LY96: variants seen among roughly 807,000 people sequenced by gnomAD.
The protein encoded by LY96 is lymphocyte antigen 96.
In LY96, 18 loss-of-function variants were observed where a neutral mutation model predicts 18.9. The observed-to-expected ratio is 0.95, with a 90% confidence interval of 0.66 to 1.41. The LOEUF is 1.41. Among genes scored for constraint, LY96 ranks in the 40% most tolerant of loss-of-function variants. The pLI is 0.00. For missense variants in LY96, 175 were observed against 182.4 expected, an observed-to-expected ratio of 0.96 and a Z score of 0.23; for synonymous variants, 66 against 62.6, an observed-to-expected ratio of 1.06 and a Z score of -0.26.
chr8:74,013,981 A>C (rs1816586149), intron 3 of LY96, among the ~76,000 whole-genome samples: 1 of 152,090 alleles, frequency 6.6e-6, no homozygotes. Flanking sequence ...AGGCTGAGGC[A>C]GGAAACTTGG....
chr8:74,034,127 C>T, the LY96 span, among the ~76,000 whole-genome samples: 1 of 152,162 alleles, frequency 6.6e-6, no homozygotes, highest in Non-Finnish European at 1.5e-5. Flanking sequence ...AATCCCAGCA[C>T]TTTGGGAGGC....
the LY96 span, among the ~76,000 whole-genome samples, chr8:74,085,070 A>G: frequency 1.3e-5 from 2 of 152,242 alleles, no homozygotes; most frequent in Non-Finnish European, 2.9e-5. Context: ...GAGAGAAATG[A>G]AGCTTCTTGG....
chr8:74,093,451 T>C, the LY96 span, among the ~76,000 whole-genome samples: 1 of 152,236 alleles, frequency 6.6e-6, no homozygotes, highest in Admixed American at 6.5e-5. Context: ...GGGGGAAATT[T>C]TCTGAATGTT....
chr8:74,061,295 G>A, the LY96 span, among the ~76,000 whole-genome samples: 1 of 152,204 alleles, frequency 6.6e-6, no homozygotes, highest in Admixed American at 6.5e-5. Flanking sequence ...GTTATAAGAA[G>A]AGACTTGTAG....
At chr8:74,003,335 G>C (rs1417339807) in intron 1 of LY96, among the ~76,000 whole-genome samples, 1 of 152,204 alleles carries the variant, frequency 6.6e-6, no homozygotes, top group East Asian at 1.9e-4. Context: ...CTTCTAAAAG[G>C]GGGTGGGCTA....
At chr8:74,088,324 C>G in the LY96 span, among the ~76,000 whole-genome samples, 1 of 152,182 alleles carries the variant, frequency 6.6e-6, no homozygotes, top group African/African-American at 2.4e-5. Context: ...ACCCATGGTT[C>G]TTACTCCTTT....
the LY96 span, among the ~76,000 whole-genome samples, chr8:74,096,822 G>A: frequency 2.0e-5 from 3 of 152,258 alleles, no homozygotes; most frequent in Non-Finnish European, 4.4e-5. Flanking sequence ...TGCTCCCAGG[G>A]TGATGTGAAT....
chr8:74,095,931 G>A, the LY96 span, among the ~76,000 whole-genome samples: 8 of 152,216 alleles, frequency 5.3e-5, no homozygotes, highest in Middle Eastern at 3.4e-3. Flanking sequence ...ACCTTCACGT[G>A]TCTGAAACTG....
the LY96 span, among the ~76,000 whole-genome samples, chr8:74,097,705 CAAATAAAT>C: frequency 5.3e-5 from 8 of 151,174 alleles, no homozygotes; most frequent in Admixed American, 1.3e-4. Flanking sequence ...GACTCTGTCT[CAAATAAAT>C]AAATAAATAA....
intron 2 of LY96, among the ~76,000 whole-genome samples, chr8:74,009,653 T>C (rs1816488866): frequency 6.6e-6 from 1 of 152,208 alleles, no homozygotes; most frequent in Non-Finnish European, 1.5e-5. Flanking sequence ...CCTTTCCTTT[T>C]CTTTTCTTTT....
the LY96 span, among the ~76,000 whole-genome samples, chr8:74,098,048 A>G: frequency 6.6e-6 from 1 of 152,226 alleles, no homozygotes; most frequent in African/African-American, 2.4e-5. Flanking sequence ...TGTTTGTGTC[A>G]GGTAAGCTTT....
intron 1 of LY96, among the ~76,000 whole-genome samples, chr8:73,995,975 A>C (rs180820455): frequency 2.0e-5 from 3 of 152,260 alleles, no homozygotes; most frequent in African/African-American, 4.8e-5. Context: ...AGATGCAAAA[A>C]TGGAGAAGCT....
the LY96 span, among the ~76,000 whole-genome samples, chr8:74,073,257 G>A: frequency 6.6e-6 from 1 of 152,202 alleles, no homozygotes; most frequent in Non-Finnish European, 1.5e-5. Context: ...GGAAGGGGAA[G>A]GCAGAGCAGT....
At chr8:74,007,095 C>T (rs977939177) in intron 2 of LY96, among the ~76,000 whole-genome samples, 20 of 152,226 alleles carry the variant, frequency 1.3e-4, no homozygotes, top group African/African-American at 4.8e-4. Flanking sequence ...CACTCTTGGG[C>T]TGGGCCAAAT....
chr8:74,017,990 A>G (rs1171384323), intron 3 of LY96, among the ~76,000 whole-genome samples: 1 of 152,226 alleles, frequency 6.6e-6, no homozygotes, highest in Non-Finnish European at 1.5e-5. Context: ...GAAACTGCAT[A>G]AATTAACGAG....
chr8:74,078,278 T>C, the LY96 span, among the ~76,000 whole-genome samples: 2 of 152,044 alleles, frequency 1.3e-5, no homozygotes, highest in African/African-American at 4.8e-5. Context: ...TAGCTTTCAG[T>C]GGAGTGTGAG....
the LY96 span, among the ~76,000 whole-genome samples, chr8:74,071,728 C>G: frequency 6.6e-6 from 1 of 152,170 alleles, no homozygotes; most frequent in Admixed American, 6.5e-5. Context: ...TGTCTAAGAA[C>G]TATATTGCTC....
chr8:74,001,027 C>T (rs1816251911), intron 1 of LY96, among the ~76,000 whole-genome samples: 1 of 152,166 alleles, frequency 6.6e-6, no homozygotes, highest in Non-Finnish European at 1.5e-5. Context: ...TTCCACCCCT[C>T]AACACTCTTG....
At chr8:74,094,174 G>A in the LY96 span, among the ~76,000 whole-genome samples, 1 of 152,016 alleles carries the variant, frequency 6.6e-6, no homozygotes, top group Non-Finnish European at 1.5e-5. Context: ...GTGGGGTGTG[G>A]GTGTTGGCAA....
Sources: allele counts gnomAD v4.1 joint callset (sites outside exome capture counted in the v4.1 genomes callset), GRCh38; gene constraint gnomAD v4.1.1; transcripts MANE v1.5; gene names NCBI Gene and HGNC (gene_info 2026-07-23, HGNC 2026-07-21).